The following DIAPH2 variants were observed in gnomAD, a reference collection of about 807,000 sequenced individuals.
DIAPH2 encodes the protein diaphanous related formin 2.
Under a neutral mutation model 92.7 loss-of-function variants are expected in DIAPH2, and 35 were observed. That is an observed-to-expected ratio of 0.38 (90% CI 0.29 to 0.50). DIAPH2 has a LOEUF of 0.50. Among genes scored for constraint, DIAPH2 ranks in the 20% least tolerant of loss-of-function variants. DIAPH2 has a pLI of 0.94. For missense variants in DIAPH2, 701 were observed against 819.5 expected, an observed-to-expected ratio of 0.86 and a Z score of 1.77; for synonymous variants, 301 against 280.4, an observed-to-expected ratio of 1.07 and a Z score of -0.73.
intron 1 of DIAPH2, among the ~76,000 whole-genome samples, chrX:96,702,351 C>G (rs957244660): frequency 8.9e-6 from 1 of 111,956 alleles, no homozygotes; most frequent in Non-Finnish European, 1.9e-5. Context: ...GAGAAGCTCA[C>G]CTCAGTGCTG....
chrX:97,356,471 CTT>C (rs963034284), intron 24 of DIAPH2, among the ~76,000 whole-genome samples: 3 of 111,754 alleles, frequency 2.7e-5, no homozygotes, highest in African/African-American at 9.8e-5. Flanking sequence ...TGTTGCAACT[CTT>C]TGAAAATAGG....
At chrX:96,993,305 G>A (rs761155244) in intron 17 of DIAPH2, among the ~76,000 whole-genome samples, 4 of 112,050 alleles carry the variant, frequency 3.6e-5, no homozygotes, top group African/African-American at 1.3e-4. Context: ...TCCTCGAAGA[G>A]GTCCTTATTT....
At chrX:96,767,481 G>A (rs1472348628) in intron 4 of DIAPH2, among the ~76,000 whole-genome samples, 1 of 111,674 alleles carries the variant, frequency 9.0e-6, no homozygotes, top group Non-Finnish European at 1.9e-5. Flanking sequence ...GAAGTATATT[G>A]TTTATGTTTA....
chrX:97,552,881 CAA>C (rs2071230547), intron 26 of DIAPH2, among the ~76,000 whole-genome samples: 2 of 111,579 alleles, frequency 1.8e-5, no homozygotes, highest in African/African-American at 6.5e-5. Context: ...AGTCCAAAAT[CAA>C]AGAGTCAGCA....
intron 17 of DIAPH2, among the ~76,000 whole-genome samples, chrX:97,027,967 C>T (rs190645798): frequency 3.6e-5 from 4 of 112,115 alleles, no homozygotes; most frequent in Admixed American, 1.9e-4. Flanking sequence ...TTATAAACTG[C>T]AATTTTTAAT....
intron 26 of DIAPH2, among the ~76,000 whole-genome samples, chrX:97,464,408 C>T (rs905864630): frequency 3.7e-5 from 4 of 108,307 alleles, no homozygotes; most frequent in Non-Finnish European, 7.6e-5. Context: ...ACCCAGGAGG[C>T]GGAGCTTGCA....
chrX:97,243,162 T>C (rs903773378), intron 22 of DIAPH2, among the ~76,000 whole-genome samples: 1 of 110,528 alleles, frequency 9.0e-6, no homozygotes, highest in African/African-American at 3.3e-5. Context: ...TGGGATCTTG[T>C]ACAACTGCAC....
intron 12 of DIAPH2, among the ~76,000 whole-genome samples, 177 bp from the exon 13 acceptor site, chrX:96,941,841 C>A (rs1248090064): frequency 9.1e-6 from 1 of 110,053 alleles, no homozygotes; most frequent in Non-Finnish European, 1.9e-5. Context: ...GGTACTGTAA[C>A]ACCCAGACCA....
intron 22 of DIAPH2, among the ~76,000 whole-genome samples, chrX:97,184,035 T>G (rs781151283): frequency 8.9e-6 from 1 of 112,449 alleles, no homozygotes; most frequent in East Asian, 2.8e-4. Context: ...TGACCAGTAT[T>G]TATAATTGTG....
At chrX:96,793,088 C>T (rs897792248) in intron 4 of DIAPH2, among the ~76,000 whole-genome samples, 3 of 112,261 alleles carry the variant, frequency 2.7e-5, no homozygotes, top group South Asian at 7.4e-4. Flanking sequence ...TACATGGACA[C>T]TATCTGTTAT....
chrX:97,063,697 C>T (rs1330789996), intron 17 of DIAPH2, among the ~76,000 whole-genome samples: 1 of 111,893 alleles, frequency 8.9e-6, no homozygotes, highest in Non-Finnish European at 1.9e-5. Flanking sequence ...CAAGGAGCTT[C>T]TAGATCCTAA....
At chrX:97,083,740 G>A (rs901126681) in intron 19 of DIAPH2, among the ~76,000 whole-genome samples, 5 of 111,946 alleles carry the variant, frequency 4.5e-5, no homozygotes, top group Admixed American at 9.5e-5. Flanking sequence ...AATTTAATAC[G>A]TTCCCAATCA....
chrX:96,748,948 G>A (rs951709093), intron 3 of DIAPH2, among the ~76,000 whole-genome samples: 2 of 109,783 alleles, frequency 1.8e-5, no homozygotes, highest in African/African-American at 6.6e-5. Flanking sequence ...ATGTATCCAC[G>A]CCCATTTGTT....
At position 97,057,321 on chromosome X, in the gene DIAPH2, C is replaced by T. The variant is rs750305767; in HGVS notation, c.2051-15620C>T. Among the ~76,000 whole-genome samples, 4 of 112,132 alleles carry T rather than the reference C, an allele frequency of 3.6e-5. No homozygotes were observed. In the South Asian group the frequency reaches 1.5e-3, roughly 42 times the overall value. ...GTAACACCTTGCCCCCTACTAGGAA[C>T]TTAACTATTTCTTTAATTTTATTAC... On this transcript the variant is annotated intron_variant, in intron 17 of 26. Coordinates refer to ENST00000324765, the MANE Select transcript of DIAPH2 (RefSeq NM_006729.5).
intron 26 of DIAPH2, among the ~76,000 whole-genome samples, chrX:97,594,728 G>C (rs772595657): frequency 8.9e-6 from 1 of 112,015 alleles, no homozygotes; most frequent in Non-Finnish European, 1.9e-5. Context: ...CTACTAATTG[G>C]CATTAAAATG....
chrX:97,165,798 T>C (rs1170054561), intron 22 of DIAPH2, among the ~76,000 whole-genome samples: 2 of 111,167 alleles, frequency 1.8e-5, no homozygotes, highest in East Asian at 2.8e-4. Context: ...AGCCCTCTGA[T>C]GCAATTTGAG....
intron 23 of DIAPH2, among the ~76,000 whole-genome samples, chrX:97,290,315 T>C (rs141627000): frequency 9.0e-6 from 1 of 110,744 alleles, no homozygotes; most frequent in East Asian, 2.8e-4. Flanking sequence ...GCATAAGACA[T>C]TTAGGAAGCT....
At chrX:96,985,147 A>G (rs1044611822) in intron 17 of DIAPH2, among the ~76,000 whole-genome samples, 12 of 111,365 alleles carry the variant, frequency 1.1e-4, no homozygotes, top group Non-Finnish European at 2.3e-4. Context: ...TATATACCAT[A>G]TTGTAGAACT....
At chrX:97,377,932 C>T (rs754383054) in intron 24 of DIAPH2, among the ~76,000 whole-genome samples, 7 of 106,381 alleles carry the variant, frequency 6.6e-5, no homozygotes, top group Admixed American at 1.0e-4. Flanking sequence ...TTAAAAGAGG[C>T]GACTGAAAGA....
Sources: allele counts gnomAD v4.1 joint callset (sites outside exome capture counted in the v4.1 genomes callset), GRCh38; gene constraint gnomAD v4.1.1; transcripts MANE v1.5; gene names NCBI Gene and HGNC (gene_info 2026-07-23, HGNC 2026-07-21).